Variants in SFT2D3 observed in about 807,000 individuals in gnomAD.
SFT2D3 encodes vesicle transport protein SFT2C.
For missense variants in SFT2D3, 405 were observed against 334.6 expected (o/e 1.21, Z -1.64); for synonymous variants, 239 against 191.2 (o/e 1.25, Z -2.06).
Position 127,701,557 on chromosome 2 carries a change from A to G in SFT2D3, c.29A>G (p.Glu10Gly), listed in dbSNP as rs1685878198. 13 of 1,368,090 alleles carry G rather than the reference A, an allele frequency of 9.5e-6. 1 individual carries two copies. The South Asian group carries it at 1.7e-4, about 18-fold the overall frequency. The allele number at this position is 1,368,090 out of a possible 1,614,324, so 84.7% of individuals were successfully genotyped here. Residue 10 changes from glutamate (E) to glycine (G), a missense_variant, in exon 1 of 1, where the codon GAG (glutamate) becomes GGG (glycine). Physicochemically the swap from Glu to Gly is moderately conservative, Grantham distance 98 (BLOSUM62 -2). Coordinates refer to ENST00000310981, the MANE Select transcript of SFT2D3 (RefSeq NM_032740.4). Reference sequence around the variant, plus strand: ...GCGGACCTCCACCGCCAGCTGCAGGAGTACCTGGCGCAGGGGAAAGCTGGC... The same window carrying G: ...GCGGACCTCCACCGCCAGCTGCAGGGGTACCTGGCGCAGGGGAAAGCTGGC... Reference protein sequence around the residue: MADLHRQLQEYLAQGKAGGP... With the variant: MADLHRQLQGYLAQGKAGGP...
In SFT2D3 at chr2:127,704,687, A is replaced by G. The variant is rs1478254887; in HGVS notation, c.*2511A>G. On this transcript the variant is annotated 3_prime_UTR_variant, in exon 1 of 1. Transcript: ENST00000310981. ...TATGGCTGACATTTTCTCACTCCACAGAAATCAATTAGCTTTTGCTGTTTT... is the reference window on the plus strand; with the variant it reads ...TATGGCTGACATTTTCTCACTCCACGGAAATCAATTAGCTTTTGCTGTTTT... 1 of 167,132 alleles carries G rather than the reference A, an allele frequency of 6.0e-6. No individual in the cohort carries two copies. Among genetic ancestry groups the G allele is most frequent in the Non-Finnish European group, 1.5e-5 (1 of 68,132 alleles). 10.4% of individuals were successfully genotyped at this position (167,132 alleles called of 1,614,324 possible).
rs1685879609 is a variant in SFT2D3 at position 127,701,579 on chromosome 2, T to TGGCGGCCC, written c.59_66dup (p.Ala23ArgfsTer46). ...AGGAGTACCTGGCGCAGGGGAAAGCTGGCGGCCCGGCGGCCGCGGAGCCGC... is the reference window on the plus strand; with the variant it reads ...AGGAGTACCTGGCGCAGGGGAAAGCTGGCGGCCCGGCGGCCCGGCGGCCGCGGAGCCGC... On this transcript the variant is annotated frameshift_variant, in exon 1 of 1. Coordinates refer to ENST00000310981, the MANE Select transcript of SFT2D3 (RefSeq NM_032740.4). LOFTEE classifies it low-confidence loss of function (END_TRUNC). 1.3e-5 allele frequency: 18 copies of TGGCGGCCC among 1,342,732 alleles called. No individual in the cohort carries two copies. Among genetic ancestry groups the TGGCGGCCC allele is most frequent in the East Asian group, 3.1e-5 (1 of 32,524 alleles). 83.2% of individuals were successfully genotyped at this position (1,342,732 alleles called of 1,614,324 possible). A position where few individuals can be genotyped will look rare whatever the true frequency, so the allele number is the denominator to read the frequency against.
At position 127,702,766 on chromosome 2, in the gene SFT2D3, T is replaced by C. The variant is rs1685925717; in HGVS notation, c.*590T>C. On this transcript the variant is annotated 3_prime_UTR_variant, in exon 1 of 1. Transcript: ENST00000310981. ...ACAAAATCATAAATATGGTGCCTTA[T>C]AACATGAAAGGAAAATTAGTTGTGT... The C allele has an allele frequency of 6.0e-6, 1 of 167,100 alleles. No homozygotes were observed. The highest frequency in any genetic ancestry group is 1.5e-5 in the Non-Finnish European group (1 of 68,120). 10.4% of individuals were successfully genotyped at this position (167,100 alleles called of 1,614,324 possible).
At position 127,704,360 on chromosome 2, in the gene SFT2D3, T is replaced by TA. The variant is rs1481559661; in HGVS notation, c.*2185dup. ...TGATCTGGTTATCTGCTTACTGAGA[T>TA]ACTATGTTTCTAAAGTTAAAGCCCA... is the stretch of plus-strand genomic sequence containing the variant. On this transcript the variant is annotated 3_prime_UTR_variant, in exon 1 of 1. Coordinates refer to ENST00000310981, the MANE Select transcript of SFT2D3 (RefSeq NM_032740.4). The TA allele has an allele frequency of 2.4e-5, 4 of 167,040 alleles. No individual in the cohort carries two copies. Among genetic ancestry groups the TA allele is most frequent in the Admixed American group, 1.3e-4 (2 of 15,270 alleles). The allele number at this position is 167,040 out of a possible 1,614,324, so 10.3% of individuals were successfully genotyped here.
rs1276492329 is a variant in SFT2D3, at chr2:127,702,362, C to T, written c.*186C>T. On this transcript the variant is annotated 3_prime_UTR_variant, in exon 1 of 1. Transcript: ENST00000310981. ...GGCGACAGCAGCGTTGGGAGCTCCT[C>T]GATGTCAGCTTTTTGTGCTGGACTT... 7 of 447,358 alleles carry T rather than the reference C, an allele frequency of 1.6e-5. No homozygotes were observed. Among genetic ancestry groups the T allele is most frequent in the African/African-American group, 4.2e-5 (2 of 47,730 alleles). The allele number at this position is 447,358 out of a possible 1,614,324, so 27.7% of individuals were successfully genotyped here.
chr2:127,702,249 G>T lies in SFT2D3; in HGVS notation c.*73G>T. The T allele has an allele frequency of 3.4e-6, 4 of 1,166,740 alleles. No individual in the cohort carries two copies. Among genetic ancestry groups the T allele is most frequent in the Non-Finnish European group, 4.3e-6 (4 of 935,422 alleles). 72.3% of individuals were successfully genotyped at this position (1,166,740 alleles called of 1,614,324 possible). On this transcript the variant is annotated 3_prime_UTR_variant, in exon 1 of 1. Transcript: ENST00000310981. ...CGGAGACCGCGCCGGCCGAGCTGAG[G>T]ACTGCACGCCGCTGTGCGGAAGCCC...
At position 127,702,435 on chromosome 2, in the gene SFT2D3, A is replaced by G. The variant is rs139261767; in HGVS notation, c.*259A>G. ...ATTTTGTCATTGAACTGGTGACAGGATGTGAGACGGTTATTAGAAGTTGCT... is the reference window on the plus strand; with the variant it reads ...ATTTTGTCATTGAACTGGTGACAGGGTGTGAGACGGTTATTAGAAGTTGCT... On this transcript the variant is annotated 3_prime_UTR_variant, in exon 1 of 1. Coordinates refer to ENST00000310981, the MANE Select transcript of SFT2D3 (RefSeq NM_032740.4). 8.6e-3 allele frequency: 2,334 copies of G among 272,938 alleles called. 53 individuals are homozygous for G. The highest frequency in any genetic ancestry group is 0.047 in the African/African-American group (2,105 of 44,488). The allele number at this position is 272,938 out of a possible 1,614,324, so 16.9% of individuals were successfully genotyped here. A position where few individuals can be genotyped will look rare whatever the true frequency, so the allele number is the denominator to read the frequency against.
Position 127,702,318 on chromosome 2 carries a change from AGCG to A in SFT2D3, c.*145_*147del. ...TAACAGCCTGCGAGTCTAATCCGGG[AGCG>A]GCTGCTGCCAGCGGAGGCGACAGCA... On this transcript the variant is annotated 3_prime_UTR_variant, in exon 1 of 1. Coordinates refer to ENST00000310981, the MANE Select transcript of SFT2D3 (RefSeq NM_032740.4). 1.1e-6 allele frequency: 1 copy of A among 912,868 alleles called. No homozygotes were observed. The highest frequency in any genetic ancestry group is 5.6e-5 in the South Asian group (1 of 17,862). 56.5% of individuals were successfully genotyped at this position (912,868 alleles called of 1,614,324 possible).
Position 127,702,820 on chromosome 2 carries a change from G to A in SFT2D3, c.*644G>A, listed in dbSNP as rs527334471. ...TCACGACGAAAGCGACGGACCAAAAGAAATTTCCTGCCCCAAGAAGCATGG... is the reference window on the plus strand; with the variant it reads ...TCACGACGAAAGCGACGGACCAAAAAAAATTTCCTGCCCCAAGAAGCATGG... On this transcript the variant is annotated 3_prime_UTR_variant, in exon 1 of 1. Coordinates refer to ENST00000310981, the MANE Select transcript of SFT2D3 (RefSeq NM_032740.4). 2 of 166,972 alleles carry A rather than the reference G, an allele frequency of 1.2e-5. No individual in the cohort carries two copies. The highest frequency in any genetic ancestry group is 2.1e-4 in the South Asian group (1 of 4,830). The allele number at this position is 166,972 out of a possible 1,614,324, so 10.3% of individuals were successfully genotyped here. A position where few individuals can be genotyped will look rare whatever the true frequency, so the allele number is the denominator to read the frequency against.
rs546174820 is a variant in SFT2D3, at chr2:127,704,617, TAAAA to T, written c.*2448_*2451del. ...ATTAAATAAGCTGTAATTTCAAAGTTAAAAAAAAAATAGTCTCTAGATTCTAACA... is the reference window on the plus strand; with the variant it reads ...ATTAAATAAGCTGTAATTTCAAAGTTAAAAAATAGTCTCTAGATTCTAACA... On this transcript the variant is annotated 3_prime_UTR_variant, in exon 1 of 1. Coordinates refer to ENST00000310981, the MANE Select transcript of SFT2D3 (RefSeq NM_032740.4). 2.5e-5 allele frequency: 4 copies of T among 162,552 alleles called. No individual in the cohort carries two copies. The highest frequency in any genetic ancestry group is 4.5e-5 in the Non-Finnish European group (3 of 67,282). The allele number at this position is 162,552 out of a possible 1,614,324, so 10.1% of individuals were successfully genotyped here. A position where few individuals can be genotyped will look rare whatever the true frequency, so the allele number is the denominator to read the frequency against.
chr2:127,701,953 C>T lies in SFT2D3; in HGVS notation c.425C>T (p.Pro142Leu). ...CGCCTGCTGCGCTGCGAAGAAGCGCCGTCCCGGCCCGCGCTGCTCTACATG... is the reference window on the plus strand; with the variant it reads ...CGCCTGCTGCGCTGCGAAGAAGCGCTGTCCCGGCCCGCGCTGCTCTACATG... ...CGRLLRCEEA[P>L]SRPALLYMAA... Residue 142 changes from proline (P) to leucine (L), a missense_variant, in exon 1 of 1, where the codon CCG becomes CTG. Transcript: ENST00000310981. The T allele has an allele frequency of 1.4e-6, 2 of 1,401,140 alleles. No homozygotes were observed. The highest frequency in any genetic ancestry group is 1.5e-5 in the South Asian group (1 of 67,900). 86.8% of individuals were successfully genotyped at this position (1,401,140 alleles called of 1,614,324 possible).
Position 127,702,000 on chromosome 2 carries a change from T to C in SFT2D3, c.472T>C (p.Phe158Leu), listed in dbSNP as rs939399462. ...CATGGCAGCGCTGGGCGCCACGCTG[T>C]TCGCCGCGCTGGGCCTTCGCAGCAC... The part of the protein sequence containing the change: ...LYMAALGATL[F>L]AALGLRSTLL... Residue 158 changes from phenylalanine (F) to leucine (L), a missense_variant, in exon 1 of 1, where the codon TTC becomes CTC. Physicochemically the swap from Phe to Leu is conservative, Grantham distance 22 (BLOSUM62 0). Coordinates refer to ENST00000310981, the MANE Select transcript of SFT2D3 (RefSeq NM_032740.4). 3.0e-6 allele frequency: 4 copies of C among 1,323,098 alleles called. No individual in the cohort carries two copies. Among genetic ancestry groups the C allele is most frequent in the Admixed American group, 4.1e-5 (1 of 24,482 alleles). 82.0% of individuals were successfully genotyped at this position (1,323,098 alleles called of 1,614,324 possible). A position where few individuals can be genotyped will look rare whatever the true frequency, so the allele number is the denominator to read the frequency against.
chr2:127,701,681 G>A lies in SFT2D3; in HGVS notation c.153G>A (p.Trp51Ter). 7.7e-7 allele frequency: 1 copy of A among 1,300,230 alleles called. No homozygotes were observed. The highest frequency in any genetic ancestry group is 9.7e-7 in the Non-Finnish European group (1 of 1,029,894). 80.5% of individuals were successfully genotyped at this position (1,300,230 alleles called of 1,614,324 possible). A position where few individuals can be genotyped will look rare whatever the true frequency, so the allele number is the denominator to read the frequency against. The change falls in exon 1 of 1, where the codon TGG becomes TGA. Residue 51 changes from tryptophan to a stop codon, truncating the protein, a stop_gained. Transcript: ENST00000310981. LOFTEE classifies it low-confidence loss of function (END_TRUNC). The part of the protein sequence containing the change: ...EEWLGRAGLR[W>*]TWARSPAESA... The stretch of plus-strand genomic sequence containing the variant: ...GGCTGGGCCGCGCGGGCTTGCGCTG[G>A]ACGTGGGCGCGGAGCCCTGCGGAGT...
rs2105364436 is a variant in SFT2D3, at chr2:127,702,207, C to G, written c.*31C>G. On this transcript the variant is annotated 3_prime_UTR_variant, in exon 1 of 1. Coordinates refer to ENST00000310981, the MANE Select transcript of SFT2D3 (RefSeq NM_032740.4). ...TCGCGCCCTCGCCGCTGGGGAAGTA[C>G]GCGGAGCCAGCGCCGTCGGAGACCG... The G allele has an allele frequency of 1.7e-6, 2 of 1,210,960 alleles. No homozygotes were observed. Among genetic ancestry groups the G allele is most frequent in the African/African-American group, 1.6e-5 (1 of 63,402 alleles). The allele number at this position is 1,210,960 out of a possible 1,614,324, so 75.0% of individuals were successfully genotyped here.
At position 127,704,265 on chromosome 2, in the gene SFT2D3, T is replaced by C. The variant is rs1685960950; in HGVS notation, c.*2089T>C. On this transcript the variant is annotated 3_prime_UTR_variant, in exon 1 of 1. Transcript: ENST00000310981. ...ATAATGTAGAGGTTTATTGTTTAAATGAATTCACTCTCAAAATGTGATCTG... is the reference window on the plus strand; with the variant it reads ...ATAATGTAGAGGTTTATTGTTTAAACGAATTCACTCTCAAAATGTGATCTG... 1 of 166,910 alleles carries C rather than the reference T, an allele frequency of 6.0e-6. No homozygotes were observed. Among genetic ancestry groups the C allele is most frequent in the African/African-American group, 2.4e-5 (1 of 41,378 alleles). 10.3% of individuals were successfully genotyped at this position (166,910 alleles called of 1,614,324 possible).
rs143249179 is a variant in SFT2D3 at position 127,703,292 on chromosome 2, C to G, written c.*1116C>G. The G allele has an allele frequency of 0.016, 2,745 of 167,232 alleles. 35 individuals are homozygous for G. The highest frequency in any genetic ancestry group is 0.028 in the Non-Finnish European group (1,915 of 68,126). 10.4% of individuals were successfully genotyped at this position (167,232 alleles called of 1,614,324 possible). On this transcript the variant is annotated 3_prime_UTR_variant, in exon 1 of 1. Transcript: ENST00000310981. Reference sequence around the variant, plus strand: ...CAGAACCTGGGAAGTAGGTCCCAGACATCAGGACCTTTTTAAAGCTCCCCA... The same window carrying G: ...CAGAACCTGGGAAGTAGGTCCCAGAGATCAGGACCTTTTTAAAGCTCCCCA...
At position 127,702,853 on chromosome 2, in the gene SFT2D3, G is replaced by A. The variant is rs1685927571; in HGVS notation, c.*677G>A. 1 of 166,782 alleles carries A rather than the reference G, an allele frequency of 6.0e-6. No individual in the cohort carries two copies. Among genetic ancestry groups the A allele is most frequent in the Non-Finnish European group, 1.5e-5 (1 of 68,114 alleles). 10.3% of individuals were successfully genotyped at this position (166,782 alleles called of 1,614,324 possible). On this transcript the variant is annotated 3_prime_UTR_variant, in exon 1 of 1. Transcript: ENST00000310981. ...CTGCCCCAAGAAGCATGGGATCCAG[G>A]AAGGGGCGCGTAGATGCTTAACGGT...
At position 127,701,965 on chromosome 2, in the gene SFT2D3, C is replaced by T; in HGVS notation, c.437C>T (p.Ala146Val). The change falls in exon 1 of 1, where the codon GCG becomes GTG. Residue 146 changes from alanine to valine, a missense_variant. Transcript: ENST00000310981. ...TGCGAAGAAGCGCCGTCCCGGCCCG[C>T]GCTGCTCTACATGGCAGCGCTGGGC... Reference protein sequence around the residue: ...LRCEEAPSRPALLYMAALGAT... With the variant: ...LRCEEAPSRPVLLYMAALGAT... 2 of 1,393,352 alleles carry T rather than the reference C, an allele frequency of 1.4e-6. No individual in the cohort carries two copies. The highest frequency in any genetic ancestry group is 9.3e-7 in the Non-Finnish European group (1 of 1,080,328). 86.3% of individuals were successfully genotyped at this position (1,393,352 alleles called of 1,614,324 possible). A position where few individuals can be genotyped will look rare whatever the true frequency, so the allele number is the denominator to read the frequency against.
Position 127,701,577 on chromosome 2 carries a change from G to C in SFT2D3, c.49G>C (p.Ala17Pro), listed in dbSNP as rs1026844794. 1 of 1,363,428 alleles carries C rather than the reference G, an allele frequency of 7.3e-7. No individual in the cohort carries two copies. Among genetic ancestry groups the C allele is most frequent in the South Asian group, 1.7e-5 (1 of 57,280 alleles). The allele number at this position is 1,363,428 out of a possible 1,614,324, so 84.5% of individuals were successfully genotyped here. A position where few individuals can be genotyped will look rare whatever the true frequency, so the allele number is the denominator to read the frequency against. ...QLQEYLAQGK[A>P]GGPAAAEPLL... Reference sequence around the variant, plus strand: ...GCAGGAGTACCTGGCGCAGGGGAAAGCTGGCGGCCCGGCGGCCGCGGAGCC... The same window carrying C: ...GCAGGAGTACCTGGCGCAGGGGAAACCTGGCGGCCCGGCGGCCGCGGAGCC... The change falls in exon 1 of 1, where the codon GCT becomes CCT. Residue 17 changes from alanine (A) to proline (P), a missense_variant. Coordinates refer to ENST00000310981, the MANE Select transcript of SFT2D3 (RefSeq NM_032740.4).
Sources: gnomAD v4.1 joint callset for allele counts on GRCh38, gnomAD v4.1.1 for gene constraint, MANE v1.5 for transcripts, NCBI Gene and HGNC (gene_info 2026-07-23, HGNC 2026-07-21) for gene names.